SGCD: variants seen among roughly 807,000 people sequenced by gnomAD.
The protein encoded by SGCD is delta-sarcoglycan.
A neutral mutation model predicts 36.6 loss-of-function variants in SGCD; 18 were observed. That is an observed-to-expected ratio of 0.49 (90% confidence interval 0.34 to 0.73). SGCD has a LOEUF of 0.73. Among genes scored for constraint, SGCD ranks in the 30% least tolerant of loss-of-function variants. The pLI is 0.01. For synonymous variants in SGCD, 133 were observed against 130.6 expected, an observed-to-expected ratio of 1.02 and a Z score of -0.12; for missense variants, 387 against 346.7, an observed-to-expected ratio of 1.12 and a Z score of -0.92.
chr5:156,708,546 A>T (rs1438203183), intron 7 of SGCD, among the ~76,000 whole-genome samples: 1 of 152,232 alleles, frequency 6.6e-6, no homozygotes, highest in African/African-American at 2.4e-5. Context: ...CATCAGTCTT[A>T]CTTGAAGACT....
chr5:156,371,234 A>G (rs1183981784), intron 3 of SGCD, among the ~76,000 whole-genome samples: 2 of 152,128 alleles, frequency 1.3e-5, no homozygotes, highest in African/African-American at 4.8e-5. Flanking sequence ...ATGAAAACCA[A>G]TTGTTTTGGT....
chr5:156,038,901 A>G (rs1238984078), intron 1 of SGCD, among the ~76,000 whole-genome samples: 3 of 152,180 alleles, frequency 2.0e-5, no homozygotes, highest in Non-Finnish European at 4.4e-5. Context: ...ATTAGGTAAA[A>G]GGCAAAATCC....
At chr5:156,034,907 G>C (rs1759450505) in intron 1 of SGCD, among the ~76,000 whole-genome samples, 1 of 152,206 alleles carries the variant, frequency 6.6e-6, no homozygotes, top group Admixed American at 6.5e-5. Context: ...GTAGTTCAGA[G>C]CTTAGCATAT....
chr5:156,614,289 G>C (rs1055385430), intron 6 of SGCD, among the ~76,000 whole-genome samples: 2 of 152,194 alleles, frequency 1.3e-5, no homozygotes, highest in African/African-American at 4.8e-5. Context: ...GAGGCACAGA[G>C]TGGTATAATA....
At chr5:155,831,542 T>G in the SGCD span, among the ~76,000 whole-genome samples, 1 of 152,252 alleles carries the variant, frequency 6.6e-6, no homozygotes, top group East Asian at 1.9e-4. Context: ...GACTTTTGTA[T>G]GCAATTGCTT....
intron 6 of SGCD, among the ~76,000 whole-genome samples, chr5:156,618,268 C>T (rs1762095311): frequency 2.0e-5 from 3 of 152,150 alleles, no homozygotes; most frequent in Admixed American, 6.5e-5. Flanking sequence ...ACCTTCTGCT[C>T]CCAGTTATCG....
chr5:156,282,898 T>G (rs17553613), intron 3 of SGCD, among the ~76,000 whole-genome samples: 33,028 of 152,076 alleles, frequency 0.22, 4,025 homozygotes, highest in Admixed American at 0.27. Flanking sequence ...AAATACGTGA[T>G]CCAACTGGTA....
chr5:156,058,069 G>A (rs1278757565), intron 1 of SGCD, among the ~76,000 whole-genome samples: 2 of 146,012 alleles, frequency 1.4e-5, no homozygotes, highest in Non-Finnish European at 3.1e-5. Context: ...GACCATTAAT[G>A]TTGCTAACAT....
chr5:156,248,734 C>T (rs911974460), intron 3 of SGCD, among the ~76,000 whole-genome samples: 1 of 152,154 alleles, frequency 6.6e-6, no homozygotes, highest in Admixed American at 6.5e-5. Flanking sequence ...AATTCGGACA[C>T]TGTTGGGAAA....
chr5:156,495,219 T>C (rs1756130838), intron 3 of SGCD, among the ~76,000 whole-genome samples: 1 of 152,094 alleles, frequency 6.6e-6, no homozygotes, highest in Admixed American at 6.6e-5. Flanking sequence ...TCTCTTTAGT[T>C]AAGGCTAAAC....
At chr5:155,861,297 G>A in the SGCD span, among the ~76,000 whole-genome samples, 1 of 152,172 alleles carries the variant, frequency 6.6e-6, no homozygotes, top group Admixed American at 6.5e-5. Flanking sequence ...AAGAAATGAT[G>A]TTTCACTATA....
At chr5:156,149,095 G>T (rs115077905) in intron 3 of SGCD, among the ~76,000 whole-genome samples, 2 of 152,256 alleles carry the variant, frequency 1.3e-5, no homozygotes, top group African/African-American at 2.4e-5. Flanking sequence ...AGTGGAAACT[G>T]ACTATTCTGA....
intron 3 of SGCD, among the ~76,000 whole-genome samples, chr5:156,256,424 A>G (rs1309029450): frequency 6.6e-6 from 1 of 152,230 alleles, no homozygotes; most frequent in African/African-American, 2.4e-5. Context: ...AGAACCAGAC[A>G]GTATCTACTC....
intron 6 of SGCD, among the ~76,000 whole-genome samples, chr5:156,625,155 A>T (rs1392053797): frequency 6.6e-6 from 1 of 152,232 alleles, no homozygotes; most frequent in African/African-American, 2.4e-5. Context: ...CACCATAGGA[A>T]TGATGCAGAA....
chr5:156,055,540 C>A (rs1760036708), intron 1 of SGCD, among the ~76,000 whole-genome samples: 2 of 146,460 alleles, frequency 1.4e-5, no homozygotes, highest in South Asian at 4.3e-4. Flanking sequence ...TTCACCCAGT[C>A]ACAGTGACCT....
chr5:156,349,421 TA>T (rs533413575), intron 3 of SGCD, among the ~76,000 whole-genome samples: 80 of 151,588 alleles, frequency 5.3e-4, no homozygotes, highest in Non-Finnish European at 4.3e-4. Context: ...GTGATCTCAT[TA>T]AAAAGTGGGC....
chr5:155,996,516 G>A (rs377219681), intron 1 of SGCD, among the ~76,000 whole-genome samples: 13 of 152,188 alleles, frequency 8.5e-5, no homozygotes, highest in East Asian at 5.8e-4. Context: ...GGTGGCTCAC[G>A]CCTGTGATCC....
chr5:156,530,088 G>A (rs559617965), intron 4 of SGCD, among the ~76,000 whole-genome samples: 1 of 152,162 alleles, frequency 6.6e-6, no homozygotes, highest in Non-Finnish European at 1.5e-5. Context: ...TTCCTTGCTT[G>A]GTGCAATAAA....
At chr5:155,808,466 G>A in the SGCD span, among the ~76,000 whole-genome samples, 10 of 152,182 alleles carry the variant, frequency 6.6e-5, no homozygotes, top group Non-Finnish European at 1.2e-4. Context: ...AGCTCTCTCT[G>A]CTGTTGTGAA....
Sources: gnomAD v4.1 joint callset for allele counts (sites outside exome capture counted in the v4.1 genomes callset) on GRCh38, gnomAD v4.1.1 for gene constraint, MANE v1.5 for transcripts, NCBI Gene and HGNC (gene_info 2026-07-23, HGNC 2026-07-21) for gene names.